The following BICDL1 variants were observed in gnomAD, a reference collection of about 807,000 sequenced individuals.
BICDL1 encodes BICD family-like cargo adapter 1.
A neutral mutation model predicts 76.8 loss-of-function variants in BICDL1; 20 were observed. The observed-to-expected ratio is 0.26, with a 90% CI of 0.18 to 0.38. The LOEUF (loss-of-function observed/expected upper bound fraction) is 0.38. Ranked by LOEUF, BICDL1 falls within the 10% of genes least tolerant of loss-of-function variation. The probability of loss-of-function intolerance (pLI) is 1.00; values close to 1 mark genes in which losing one functional copy is unlikely to be tolerated. For synonymous variants in BICDL1, 383 were observed against 337.1 expected (o/e 1.14, Z -1.49); for missense variants, 700 against 798.6 (o/e 0.88, Z 1.49).
At chr12:119,996,859 G>A (rs536069051) in intron 1 of BICDL1, among the ~76,000 whole-genome samples, 3 of 152,194 alleles carry the variant, frequency 2.0e-5, no homozygotes, top group East Asian at 3.9e-4. Flanking sequence ...AGTCCTTGAA[G>A]TATAGTTTTG....
rs118003401 is a variant in BICDL1, at chr12:120,004,142, G to A, written c.645+5406G>A. Among the ~76,000 whole-genome samples, 1,398 of 152,252 alleles carry A rather than the reference G, an allele frequency of 9.2e-3. 17 individuals are homozygous for A. The highest frequency in any genetic ancestry group is 0.044 in the Middle Eastern group (13 of 294). ...GATGGCTTCTTCAAGAGTAAAACTC[G>A]AGAATTCACCTTAAAATAATTATTT... On this transcript the variant is annotated intron_variant, in intron 2 of 9. Transcript: ENST00000548673.
At chr12:120,007,058 A>C (rs1951864232) in intron 2 of BICDL1, among the ~76,000 whole-genome samples, 1 of 152,142 alleles carries the variant, frequency 6.6e-6, no homozygotes. Flanking sequence ...TAATGGAATA[A>C]ATGGTTGTGG....
At chr12:120,037,551 A>G (rs964654642) in intron 2 of BICDL1, among the ~76,000 whole-genome samples, 1 of 152,162 alleles carries the variant, frequency 6.6e-6, no homozygotes, top group African/African-American at 2.4e-5. Flanking sequence ...TTTAAATAGA[A>G]TAGTGCTCAG....
At position 120,092,728 on chromosome 12, in the gene BICDL1, T is replaced by A. The variant is rs546593106; in HGVS notation, c.1705-272T>A. 6 of 985,360 alleles carry A rather than the reference T, an allele frequency of 6.1e-6. No individual in the cohort carries two copies. The South Asian group carries it at 2.8e-4, about 46-fold the overall frequency. 61.0% of individuals were successfully genotyped at this position (985,360 alleles called of 1,614,324 possible). On this transcript the variant is annotated intron_variant, in intron 9 of 9. Transcript: ENST00000548673. ...CTGCAGGGAGAGACCACCCGAGCCA[T>A]CAGCTGAGGACTGTGGCGGCCCAGC...
chr12:120,045,581 A>G (rs1217166012), intron 2 of BICDL1, among the ~76,000 whole-genome samples: 1 of 151,982 alleles, frequency 6.6e-6, no homozygotes, highest in Non-Finnish European at 1.5e-5. Context: ...GTGGAATACT[A>G]TGCAGCCATA....
At chr12:120,045,911 AAGT>A (rs929580699) in intron 2 of BICDL1, among the ~76,000 whole-genome samples, 27 of 146,520 alleles carry the variant, frequency 1.8e-4, no homozygotes, top group South Asian at 4.3e-4. Flanking sequence ...CTAAAACTTA[AAGT>A]ATTATAATAA....
At chr12:120,090,095 G>A in intron 9 of BICDL1, 24 bp downstream of exon 9, 3 of 1,612,136 alleles carry the variant, frequency 1.9e-6, no homozygotes, top group Non-Finnish European at 2.5e-6. Flanking sequence ...TGAGATCCAG[G>A]GCGAGAGGAG....
At chr12:120,080,628 T>C (rs1224257671) in intron 7 of BICDL1, 1 of 343,526 alleles carries the variant, frequency 2.9e-6, no homozygotes, top group African/African-American at 2.1e-5. Flanking sequence ...AAAGGGAAGA[T>C]CTGGCCTACG....
chr12:120,039,192 G>A lies in BICDL1; in HGVS notation c.646-22518G>A, dbSNP rs376551127. On this transcript the variant is annotated intron_variant, in intron 2 of 9. Transcript: ENST00000548673. ...GGTGTCTATAGTCCCAGCTACTTGT[G>A]AGGCTAAGGCAGGAGAATCGCTTGA... Among the ~76,000 whole-genome samples the A allele has an allele frequency of 3.3e-5, 5 of 152,070 alleles. No homozygotes were observed. In the East Asian group the frequency reaches 7.7e-4, roughly 24 times the overall value.
chr12:119,999,168 T>A (rs1050486824), intron 2 of BICDL1, among the ~76,000 whole-genome samples: 4 of 152,052 alleles, frequency 2.6e-5, no homozygotes, highest in Admixed American at 6.6e-5. Flanking sequence ...TTAACAAAGT[T>A]CAGTATTTCT....
rs920146635 is a variant in BICDL1 at position 120,071,146 on chromosome 12, CT to C, written c.910-469del. On this transcript the variant is annotated intron_variant, in intron 4 of 9. Transcript: ENST00000548673. The surrounding 1 kb of genome is among the most constrained non-coding windows in gnomAD (Gnocchi z 4.8). ...TTTGTCCTATAGAATTTTCTTTTTTCTTTTTTTCTTTTTTGAGGTGGCGTCT... is the reference window on the plus strand; with the variant it reads ...TTTGTCCTATAGAATTTTCTTTTTTCTTTTTTCTTTTTTGAGGTGGCGTCT... Among the ~76,000 whole-genome samples the C allele has an allele frequency of 6.6e-6, 1 of 150,920 alleles. No homozygotes were observed. The highest frequency in any genetic ancestry group is 2.4e-5 in the African/African-American group (1 of 41,070).
intron 8 of BICDL1, among the ~76,000 whole-genome samples, chr12:120,086,271 G>C (rs982031934): frequency 3.3e-5 from 5 of 152,164 alleles, no homozygotes; most frequent in African/African-American, 1.2e-4. Context: ...CCATACCTTA[G>C]AAATGAATTT....
chr12:120,074,715 A>ATGG (rs1873399374), intron 7 of BICDL1, 129 bp downstream of exon 7: 7 of 734,632 alleles, frequency 9.5e-6, no homozygotes, highest in Non-Finnish European at 1.2e-5. Flanking sequence ...TCATCAAGGA[A>ATGG]TGGTGACCTG....
chr12:120,018,278 C>T (rs1952107302), intron 2 of BICDL1, among the ~76,000 whole-genome samples: 1 of 152,112 alleles, frequency 6.6e-6, no homozygotes, highest in Non-Finnish European at 1.5e-5. Flanking sequence ...AACGTGAAAC[C>T]AGGATTGGAG....
At chr12:120,013,542 A>G (rs1952001599) in intron 2 of BICDL1, among the ~76,000 whole-genome samples, 1 of 146,466 alleles carries the variant, frequency 6.8e-6, no homozygotes, top group Admixed American at 6.9e-5. Flanking sequence ...GCTCACTGCA[A>G]CCTCCGCCTC....
intron 2 of BICDL1, among the ~76,000 whole-genome samples, chr12:120,048,069 A>G (rs1470782105): frequency 1.3e-5 from 2 of 152,132 alleles, no homozygotes; most frequent in Admixed American, 1.3e-4. Flanking sequence ...TATGATTATT[A>G]TATCACTCTC....
intron 2 of BICDL1, among the ~76,000 whole-genome samples, chr12:120,039,304 A>G (rs1406019799): frequency 1.3e-5 from 2 of 149,950 alleles, no homozygotes; most frequent in African/African-American, 4.9e-5. Flanking sequence ...CTCCAAAAAC[A>G]AAAGAAAAGA....
chr12:120,020,870 C>G (rs1952164877), intron 2 of BICDL1, among the ~76,000 whole-genome samples: 1 of 152,184 alleles, frequency 6.6e-6, no homozygotes, highest in Non-Finnish European at 1.5e-5. Context: ...ATGCTGTGTT[C>G]TTGTGAAAAT....
At chr12:120,075,080 C>T (rs1322563010) in intron 7 of BICDL1, among the ~76,000 whole-genome samples, 4 of 152,146 alleles carry the variant, frequency 2.6e-5, no homozygotes, top group Non-Finnish European at 4.4e-5. Flanking sequence ...CTCTAGAGAA[C>T]GCTGAAGGAA....
Sources: gnomAD v4.1 joint callset for allele counts (sites outside exome capture counted in the v4.1 genomes callset) on GRCh38, gnomAD v4.1.1 for gene constraint, Gnocchi (gnomAD v3.1) non-coding constraint, MANE v1.5 for transcripts, NCBI Gene and HGNC (gene_info 2026-07-23, HGNC 2026-07-21) for gene names.